GSG1L: variants seen among roughly 807,000 people sequenced by gnomAD.
GSG1L encodes GSG1 like.
A neutral mutation model predicts 42.1 loss-of-function variants in GSG1L; 24 were observed. That is an observed-to-expected ratio of 0.57 (90% CI 0.41 to 0.80). The LOEUF is 0.80. Ranked by LOEUF, GSG1L falls within the 30% of genes least tolerant of loss-of-function variation. GSG1L has a pLI of 0.00. For synonymous variants in GSG1L, 215 were observed against 203.5 expected, an observed-to-expected ratio of 1.06 and a Z score of -0.48; for missense variants, 445 against 472.2, an observed-to-expected ratio of 0.94 and a Z score of 0.53.
chr16:27,808,740 G>T (rs1262131152), intron 5 of GSG1L, among the ~76,000 whole-genome samples: 1 of 152,134 alleles, frequency 6.6e-6, no homozygotes, highest in Non-Finnish European at 1.5e-5. Context: ...CCAAATTCTG[G>T]TACAGTGTTC....
chr16:27,861,561 G>T (rs914398289), intron 3 of GSG1L, among the ~76,000 whole-genome samples: 1 of 152,084 alleles, frequency 6.6e-6, no homozygotes, highest in East Asian at 1.9e-4. Flanking sequence ...ATGGACAAGG[G>T]TATTCACTAT....
intron 2 of GSG1L, among the ~76,000 whole-genome samples, chr16:27,905,945 C>T (rs1333250413): frequency 6.6e-6 from 1 of 152,190 alleles, no homozygotes; most frequent in Non-Finnish European, 1.5e-5. Flanking sequence ...AATATCTAGA[C>T]GCACCAACTT....
intron 1 of GSG1L, among the ~76,000 whole-genome samples, chr16:27,988,881 C>T (rs1410456033): frequency 2.0e-5 from 3 of 151,170 alleles, no homozygotes; most frequent in South Asian, 2.1e-4. Flanking sequence ...GGTGAAACCC[C>T]GTCTCTACTA....
intron 1 of GSG1L, among the ~76,000 whole-genome samples, chr16:28,004,476 A>G (rs76095709): frequency 1.5e-5 from 1 of 68,380 alleles, no homozygotes; most frequent in Admixed American, 2.3e-4. Flanking sequence ...TGAGTGAGGA[A>G]AAAAAAAAAA....
At chr16:28,014,353 T>A (rs2085756843) in intron 1 of GSG1L, among the ~76,000 whole-genome samples, 1 of 152,206 alleles carries the variant, frequency 6.6e-6, no homozygotes. Context: ...CTCAGTTATG[T>A]TGTCATGGGG....
At chr16:27,844,856 A>ACCCCCCCCCCCCCCCC in intron 4 of GSG1L, 94 bp downstream of exon 4, 1 of 69,334 alleles carries the variant, frequency 1.4e-5, no homozygotes, top group South Asian at 1.3e-4. Flanking sequence ...CCTCCCCCCC[A>ACCCCCCCCCCCCCCCC]CCGCCCCCCA....
rs1340700488 is a variant in GSG1L at position 27,788,278 on chromosome 16, C to G, written c.*3092G>C. 1 of 152,170 alleles carries G rather than the reference C, an allele frequency of 6.6e-6. No homozygotes were observed. Among genetic ancestry groups the G allele is most frequent in the African/African-American group, 2.4e-5 (1 of 41,420 alleles). The allele number at this position is 152,170 out of a possible 1,614,324, so 9.4% of individuals were successfully genotyped here. A position where few individuals can be genotyped will look rare whatever the true frequency, so the allele number is the denominator to read the frequency against. On this transcript the variant is annotated 3_prime_UTR_variant, in exon 7 of 7. Transcript: ENST00000447459. The stretch of plus-strand genomic sequence containing the variant: ...CCCCAGGGCAACTTTCCTAAGCCAG[C>G]CCACTTTCTTCTCTTTCTTGAGTGT...
chr16:27,905,139 T>C (rs1163477594), intron 2 of GSG1L, among the ~76,000 whole-genome samples: 2 of 152,162 alleles, frequency 1.3e-5, no homozygotes, highest in South Asian at 4.1e-4. Flanking sequence ...ACTGCATTTT[T>C]TTGTGCTAAA....
intron 3 of GSG1L, among the ~76,000 whole-genome samples, chr16:27,864,483 C>T (rs2083692161): frequency 6.6e-6 from 1 of 152,198 alleles, no homozygotes; most frequent in Non-Finnish European, 1.5e-5. Flanking sequence ...CAGCCACATC[C>T]CTGCAGTTCT....
intron 1 of GSG1L, among the ~76,000 whole-genome samples, chr16:28,060,969 A>T (rs529901164): frequency 6.6e-5 from 10 of 152,348 alleles, no homozygotes; most frequent in Non-Finnish European, 1.2e-4. Context: ...TTCAGGGAGC[A>T]GCCAACAGAG....
intron 1 of GSG1L, among the ~76,000 whole-genome samples, chr16:28,023,059 C>T (rs1596708948): frequency 6.6e-6 from 1 of 152,060 alleles, no homozygotes; most frequent in East Asian, 1.9e-4. Flanking sequence ...AAACTCCTGG[C>T]ATCAAGCGAT....
intron 2 of GSG1L, among the ~76,000 whole-genome samples, chr16:27,936,070 C>T (rs8060158): frequency 1.3e-4 from 19 of 151,642 alleles, no homozygotes; most frequent in East Asian, 3.9e-4. Context: ...CCTGCCAGAC[C>T]TTCACCCAGC....
intron 2 of GSG1L, among the ~76,000 whole-genome samples, chr16:27,942,585 C>G (rs1280396902): frequency 6.6e-6 from 1 of 152,190 alleles, no homozygotes; most frequent in East Asian, 1.9e-4. Context: ...AAAAGACAAT[C>G]TAATAGAAAC....
chr16:27,968,490 A>G (rs1052354323), intron 1 of GSG1L, among the ~76,000 whole-genome samples: 1 of 152,098 alleles, frequency 6.6e-6, no homozygotes, highest in African/African-American at 2.4e-5. Flanking sequence ...AGCTCACGCA[A>G]TTCTCCTGCA....
intron 1 of GSG1L, among the ~76,000 whole-genome samples, chr16:28,017,217 A>C (rs558298024): frequency 6.6e-6 from 1 of 152,358 alleles, no homozygotes; most frequent in East Asian, 1.9e-4. Context: ...TGTTTGAAGA[A>C]GTATGGATGC....
chr16:27,936,800 A>G (rs1391428215), intron 2 of GSG1L, among the ~76,000 whole-genome samples: 1 of 152,192 alleles, frequency 6.6e-6, no homozygotes, highest in Non-Finnish European at 1.5e-5. Context: ...CAAAACTGCA[A>G]TTACTCAATG....
At chr16:27,849,447 C>T (rs964025856) in intron 3 of GSG1L, among the ~76,000 whole-genome samples, 1 of 152,140 alleles carries the variant, frequency 6.6e-6, no homozygotes, top group African/African-American at 2.4e-5. Context: ...GAGGTAAGCC[C>T]GGCTGACAGG....
Position 28,031,328 on chromosome 16 carries a change from G to A in GSG1L, c.349+31748C>T, listed in dbSNP as rs368915987. 2.1e-5 allele frequency among the ~76,000 whole-genome samples: 3 copies of A among 142,788 alleles called. No individual in the cohort carries two copies. In the East Asian group the frequency reaches 6.7e-4, roughly 32 times the overall value. The allele number at this position is 142,788 out of a possible 152,430, so 93.7% of individuals were successfully genotyped here. A position where few individuals can be genotyped will look rare whatever the true frequency, so the allele number is the denominator to read the frequency against. ...GATGAGATGGAATGGGATGGGATGG[G>A]ATGAGATGGGATGGGATTGGATGAG... On this transcript the variant is annotated intron_variant, in intron 1 of 6. Transcript: ENST00000447459.
intron 2 of GSG1L, among the ~76,000 whole-genome samples, chr16:27,911,439 C>T (rs950923360): frequency 2.0e-5 from 3 of 152,084 alleles, no homozygotes; most frequent in Non-Finnish European, 2.9e-5. Flanking sequence ...TACAGGCGCC[C>T]GCCACCACAC....
Sources: gnomAD v4.1 joint callset for allele counts (sites outside exome capture counted in the v4.1 genomes callset) on GRCh38, gnomAD v4.1.1 for gene constraint, MANE v1.5 for transcripts, NCBI Gene and HGNC (gene_info 2026-07-23, HGNC 2026-07-21) for gene names.